Variants in COL4A2 observed in about 807,000 individuals in gnomAD.
COL4A2 encodes collagen alpha-2(IV) chain.
A neutral mutation model predicts 200.2 loss-of-function variants in COL4A2; 99 were observed. The ratio of observed to expected loss-of-function variants is 0.49; its 90% confidence interval spans 0.42 to 0.58. The LOEUF (loss-of-function observed/expected upper bound fraction) is 0.58. COL4A2 is among the 20% of genes least tolerant of loss of function. The pLI is 0.00. For synonymous variants in COL4A2, 897 were observed against 900.6 expected (o/e 1.00, Z 0.07); for missense variants, 1,950 against 2,314.1 (o/e 0.84, Z 3.23).
Position 110,347,942 on chromosome 13 carries a change from G to A in COL4A2, c.100-9530G>A, listed in dbSNP as rs1024407742. The stretch of plus-strand genomic sequence containing the variant: ...TGCCTCCTGGTTATGTCTTGCCGCC[G>A]TGTTGAACCAGGATGGGGAATGATC... On this transcript the variant is annotated intron_variant, in intron 3 of 47. Transcript: ENST00000360467. Among the ~76,000 whole-genome samples the A allele has an allele frequency of 2.6e-5, 4 of 152,242 alleles. 1 individual carries two copies. The South Asian group carries it at 6.2e-4, about 24-fold the overall frequency.
intron 4 of COL4A2, among the ~76,000 whole-genome samples, chr13:110,385,546 T>TTACAGTGTGTGGATAGACCGTGGC (rs1878676814): frequency 4.6e-5 from 2 of 43,636 alleles, no homozygotes; most frequent in Non-Finnish European, 1.0e-4. Context: ...TAGGCCGTGG[T>TTACAGTGTGTGGATAGACCGTGGC]TGCAGTGTGT....
At chr13:110,476,648 G>A (rs918922539) in intron 29 of COL4A2, among the ~76,000 whole-genome samples, 15 of 152,254 alleles carry the variant, frequency 9.9e-5, no homozygotes, top group East Asian at 1.9e-4. Context: ...ACGTGAGTGT[G>A]TGGACTGTAA....
intron 3 of COL4A2, among the ~76,000 whole-genome samples, chr13:110,341,897 C>G (rs750717614): frequency 2.0e-5 from 3 of 152,130 alleles, no homozygotes; most frequent in Non-Finnish European, 4.4e-5. Flanking sequence ...GGAGGAAGTC[C>G]GCGTTTGTGG....
At chr13:110,407,191 C>T (rs112835468) in intron 4 of COL4A2, among the ~76,000 whole-genome samples, 45 of 152,364 alleles carry the variant, frequency 3.0e-4, no homozygotes, top group African/African-American at 1.0e-3. Context: ...TGGCCCAGGG[C>T]AGCACTGCGC....
At chr13:110,465,321 G>T in intron 24 of COL4A2, 84 bp from the exon 25 acceptor site, 5 of 1,482,812 alleles carry the variant, frequency 3.4e-6, no homozygotes, top group Non-Finnish European at 4.5e-6. Flanking sequence ...TCAGAATTCC[G>T]GGAAATGGGA....
intron 4 of COL4A2, among the ~76,000 whole-genome samples, chr13:110,374,022 T>G (rs974054144): frequency 6.6e-6 from 1 of 152,248 alleles, no homozygotes; most frequent in Admixed American, 6.5e-5. Flanking sequence ...AGTTTTCAAC[T>G]GAACTGAAGT....
At chr13:110,413,479 G>A (rs1339220034) in intron 4 of COL4A2, among the ~76,000 whole-genome samples, 1 of 152,212 alleles carries the variant, frequency 6.6e-6, no homozygotes. Flanking sequence ...CCCCCAGAGA[G>A]CCCATGCTTG....
intron 3 of COL4A2, 142 bp from the exon 4 acceptor site, chr13:110,357,329 TA>T: frequency 3.8e-6 from 5 of 1,309,458 alleles, no homozygotes; most frequent in East Asian, 5.1e-5. Flanking sequence ...AAAATTAGTC[TA>T]TTTTTTTAAA....
chr13:110,382,017 T>G (rs188445962), intron 4 of COL4A2, among the ~76,000 whole-genome samples: 2 of 152,286 alleles, frequency 1.3e-5, no homozygotes, highest in Admixed American at 1.3e-4. Context: ...ATCACTGAAT[T>G]TTTCACGGTT....
chr13:110,316,381 A>T (rs1885129638), intron 3 of COL4A2, among the ~76,000 whole-genome samples: 1 of 152,178 alleles, frequency 6.6e-6, no homozygotes, highest in African/African-American at 2.4e-5. Context: ...GGAGATGCCG[A>T]TTGGCAGCCG....
chr13:110,495,782 A>G (rs938514180), intron 40 of COL4A2, among the ~76,000 whole-genome samples: 2 of 152,104 alleles, frequency 1.3e-5, no homozygotes, highest in African/African-American at 4.8e-5. Context: ...CATAACAAGC[A>G]CTCTGGGTAG....
intron 38 of COL4A2, 118 bp from the exon 39 acceptor site, chr13:110,493,093 G>A (rs925051421): frequency 4.5e-6 from 5 of 1,116,586 alleles, no homozygotes; most frequent in South Asian, 1.3e-5. Context: ...GTGAAATAAC[G>A]ATGAGTGACA....
chr13:110,474,292 C>A (rs1032959870), intron 29 of COL4A2, among the ~76,000 whole-genome samples: 2 of 152,204 alleles, frequency 1.3e-5, no homozygotes, highest in African/African-American at 2.4e-5. Context: ...CTGCCATCAG[C>A]CCACATCAGG....
intron 26 of COL4A2, among the ~76,000 whole-genome samples, chr13:110,466,376 A>C (rs1277260431): frequency 6.6e-6 from 1 of 152,176 alleles, no homozygotes; most frequent in Non-Finnish European, 1.5e-5. Context: ...GGCTGAGCCC[A>C]GCCCAGACGG....
At chr13:110,439,257 A>G (rs1399006031) in intron 15 of COL4A2, among the ~76,000 whole-genome samples, 1 of 152,224 alleles carries the variant, frequency 6.6e-6, no homozygotes, top group Non-Finnish European at 1.5e-5. Flanking sequence ...TTTGGTGGCT[A>G]TCTGGCAGTT....
intron 4 of COL4A2, among the ~76,000 whole-genome samples, chr13:110,418,056 C>T (rs1880112239): frequency 1.3e-5 from 2 of 152,062 alleles, no homozygotes; most frequent in Non-Finnish European, 2.9e-5. Context: ...GCGTGGCCAC[C>T]TTTTTCTGTG....
chr13:110,358,367 C>G (rs1298990610), intron 4 of COL4A2, among the ~76,000 whole-genome samples: 1 of 152,188 alleles, frequency 6.6e-6, no homozygotes, highest in Non-Finnish European at 1.5e-5. Flanking sequence ...AGCCGTCATC[C>G]CCTCTGGGAA....
intron 38 of COL4A2, among the ~76,000 whole-genome samples, chr13:110,492,419 T>G (rs1883315502): frequency 6.6e-6 from 1 of 152,122 alleles, no homozygotes; most frequent in African/African-American, 2.4e-5. Context: ...CCCAGAAGGA[T>G]GAATGAAAGC....
intron 4 of COL4A2, among the ~76,000 whole-genome samples, chr13:110,375,965 G>A (rs1211232883): frequency 6.6e-6 from 1 of 152,142 alleles, no homozygotes; most frequent in Non-Finnish European, 1.5e-5. Flanking sequence ...GACATTCCCT[G>A]AGTAAATTAA....
Sources: gnomAD v4.1 joint callset for allele counts (sites outside exome capture counted in the v4.1 genomes callset) on GRCh38, gnomAD v4.1.1 for gene constraint, MANE v1.5 for transcripts, NCBI Gene and HGNC (gene_info 2026-07-23, HGNC 2026-07-21) for gene names.